Variants in SNX29 observed in about 807,000 individuals in gnomAD.
The protein encoded by SNX29 is sorting nexin 29.
Under a neutral mutation model 102.1 loss-of-function variants are expected in SNX29, and 78 were observed. The observed-to-expected ratio is 0.76, with a 90% confidence interval of 0.64 to 0.92. The LOEUF (loss-of-function observed/expected upper bound fraction) is 0.92, where lower values mean the gene tolerates loss of function less well. Among genes scored for constraint, SNX29 ranks in the 40% least tolerant of loss-of-function variants. The probability of loss-of-function intolerance (pLI) is 0.00; values close to 1 mark genes in which losing one functional copy is unlikely to be tolerated. For synonymous variants in SNX29, 580 were observed against 414.5 expected (o/e 1.40, Z -4.85); for missense variants, 1,280 against 1,061.7 (o/e 1.21, Z -2.86).
intron 14 of SNX29, among the ~76,000 whole-genome samples, chr16:12,217,132 G>A (rs2077345173): frequency 6.6e-6 from 1 of 152,190 alleles, no homozygotes; most frequent in Admixed American, 6.5e-5. Flanking sequence ...AGGCTCAGGT[G>A]ATTCTCCCAT....
chr16:12,540,936 T>G (rs1290462110), intron 20 of SNX29, among the ~76,000 whole-genome samples: 1 of 152,086 alleles, frequency 6.6e-6, no homozygotes, highest in Non-Finnish European at 1.5e-5. Flanking sequence ...CCTGCCCACT[T>G]TTGGGGTCAG....
chr16:12,146,447 A>G (rs2055069339), intron 13 of SNX29, among the ~76,000 whole-genome samples: 2 of 152,076 alleles, frequency 1.3e-5, no homozygotes, highest in African/African-American at 2.4e-5. Flanking sequence ...TGTATTTTTA[A>G]TAGAGATGGG....
At chr16:12,461,973 AAAAAAATATATATATATATATATATAT>A (rs2086798856) in intron 18 of SNX29, among the ~76,000 whole-genome samples, 1 of 69,596 alleles carries the variant, frequency 1.4e-5, no homozygotes, top group Non-Finnish European at 2.4e-5. Context: ...AAAAAAAAAA[AAAAAAATATATATATATATATATATAT>A]ATATATATAT....
chr16:12,151,829 G>A (rs937048751), intron 13 of SNX29, among the ~76,000 whole-genome samples: 5 of 152,088 alleles, frequency 3.3e-5, no homozygotes, highest in South Asian at 2.1e-4. Flanking sequence ...TCTGCCTCCC[G>A]GGTTCAAGTG....
rs55693728 is a variant in SNX29 at position 11,997,480 on chromosome 16, C to CTTT, written c.8-1804_8-1802dup. On this transcript the variant is annotated intron_variant, in intron 1 of 20. Coordinates refer to ENST00000566228, the MANE Select transcript of SNX29 (RefSeq NM_032167.5). ...TTTCATTGATTAGTTTACATTTATACTTTTTTTTTTTTTTTGAGATAGGGC... is the reference window on the plus strand; with the variant it reads ...TTTCATTGATTAGTTTACATTTATACTTTTTTTTTTTTTTTTTTGAGATAGGGC... Among the ~76,000 whole-genome samples the CTTT allele has an allele frequency of 2.7e-3, 387 of 144,184 alleles. 3 individuals are homozygous for CTTT. The highest frequency in any genetic ancestry group is 9.1e-3 in the African/African-American group (359 of 39,442). The allele number at this position is 144,184 out of a possible 152,430, so 94.6% of individuals were successfully genotyped here.
intron 11 of SNX29, among the ~76,000 whole-genome samples, chr16:12,114,870 T>C (rs1200617698): frequency 6.6e-6 from 1 of 152,176 alleles, no homozygotes; most frequent in Non-Finnish European, 1.5e-5. Flanking sequence ...AGTTTCCTAA[T>C]CTATAAAATG....
At chr16:12,400,239 C>T (rs1332022452) in intron 17 of SNX29, among the ~76,000 whole-genome samples, 1 of 152,216 alleles carries the variant, frequency 6.6e-6, no homozygotes, top group Non-Finnish European at 1.5e-5. Context: ...GGCTTCGTTC[C>T]CAGCCTTTCC....
rs150370592 is a variant in SNX29 at position 12,360,622 on chromosome 16, C to G, written c.1899+4343C>G. ...CAGACCCCATTTGTTTCAGTGGGGCCAGTATACAAATGTAATCCCCATCCC... is the reference window on the plus strand; with the variant it reads ...CAGACCCCATTTGTTTCAGTGGGGCGAGTATACAAATGTAATCCCCATCCC... On this transcript the variant is annotated intron_variant, in intron 16 of 20. Coordinates refer to ENST00000566228, the MANE Select transcript of SNX29 (RefSeq NM_032167.5). Among the ~76,000 whole-genome samples, 307 of 152,204 alleles carry G rather than the reference C, an allele frequency of 2.0e-3. 3 individuals carry two copies. Among genetic ancestry groups the G allele is most frequent in the African/African-American group, 6.9e-3 (288 of 41,522 alleles).
chr16:12,014,646 T>C (rs754590207), intron 3 of SNX29, among the ~76,000 whole-genome samples: 46 of 149,210 alleles, frequency 3.1e-4, no homozygotes, highest in Non-Finnish European at 5.5e-4. Context: ...GCAGAAGAAT[T>C]GCTTGAACCT....
intron 20 of SNX29, among the ~76,000 whole-genome samples, chr16:12,567,591 G>A (rs747231967): frequency 7.9e-5 from 12 of 152,062 alleles, no homozygotes; most frequent in African/African-American, 2.7e-4. Context: ...ACAAGAGCAA[G>A]ACCCCATCTC....
At chr16:12,546,656 G>C (rs1222773548) in intron 20 of SNX29, 1 of 152,218 alleles carries the variant, frequency 6.6e-6, no homozygotes, top group Non-Finnish European at 1.5e-5. Flanking sequence ...TTACCAAGAA[G>C]AGTGGATAAA....
chr16:12,212,265 G>T (rs143782031), intron 14 of SNX29, among the ~76,000 whole-genome samples: 26 of 152,296 alleles, frequency 1.7e-4, no homozygotes, highest in African/African-American at 6.0e-4. Context: ...TGAGTCACAT[G>T]GGGAGCCAGG....
rs141023054 is a variant in SNX29 at position 12,177,368 on chromosome 16, C to T, written c.1596-22233C>T. Among the ~76,000 whole-genome samples, 615 of 152,218 alleles carry T rather than the reference C, an allele frequency of 4.0e-3. 6 individuals carry two copies. The highest frequency in any genetic ancestry group is 0.014 in the African/African-American group (582 of 41,528). On this transcript the variant is annotated intron_variant, in intron 13 of 20. Transcript: ENST00000566228. ...GGAGGAGAGTGGAATTGGGCTGGAT[C>T]GTTAGCATTCTTGTATGTGATGCCA...
At chr16:12,361,978 T>TGC (rs1555519437) in intron 16 of SNX29, among the ~76,000 whole-genome samples, 68,923 of 151,530 alleles carry the variant, frequency 0.45, 16,551 homozygotes, top group Non-Finnish European at 0.55. Context: ...AACGAGCACA[T>TGC]GCCTATACAT....
chr16:12,262,849 C>T (rs2078818577), intron 14 of SNX29, among the ~76,000 whole-genome samples: 1 of 152,198 alleles, frequency 6.6e-6, no homozygotes, highest in Non-Finnish European at 1.5e-5. Context: ...CAACCATCAC[C>T]ACTGTCCAAC....
chr16:12,263,553 G>A (rs1475517409), intron 14 of SNX29, among the ~76,000 whole-genome samples: 3 of 152,144 alleles, frequency 2.0e-5, no homozygotes, highest in Non-Finnish European at 4.4e-5. Context: ...TTGACATGCA[G>A]GGGTCTGGCA....
intron 14 of SNX29, among the ~76,000 whole-genome samples, chr16:12,209,083 G>A (rs1025255868): frequency 1.3e-5 from 2 of 152,108 alleles, no homozygotes; most frequent in Non-Finnish European, 2.9e-5. Flanking sequence ...TGAAAATCTC[G>A]GTTTACTAAT....
chr16:12,116,393 C>T (rs867764906), intron 11 of SNX29, among the ~76,000 whole-genome samples: 3 of 152,186 alleles, frequency 2.0e-5, no homozygotes, highest in African/African-American at 2.4e-5. Flanking sequence ...AATGAGGGGC[C>T]GGGCGCAGTG....
intron 20 of SNX29, among the ~76,000 whole-genome samples, chr16:12,532,727 G>C (rs976557886): frequency 6.6e-6 from 1 of 152,196 alleles, no homozygotes; most frequent in Non-Finnish European, 1.5e-5. Context: ...GGCAGGAAGA[G>C]GTGTTGGCCT....
Sources: allele counts gnomAD v4.1 joint callset (sites outside exome capture counted in the v4.1 genomes callset), GRCh38; gene constraint gnomAD v4.1.1; transcripts MANE v1.5; gene names NCBI Gene and HGNC (gene_info 2026-07-23, HGNC 2026-07-21).